Variants in DYSF observed in about 807,000 individuals in gnomAD.
The protein encoded by DYSF is dysferlin, also known as dystrophy-associated fer-1-like 1.
In DYSF, 212 loss-of-function variants were observed where a neutral mutation model predicts 274.9. The observed-to-expected ratio is 0.77, with a 90% CI of 0.69 to 0.86. The LOEUF (loss-of-function observed/expected upper bound fraction) is 0.86, where lower values mean the gene tolerates loss of function less well. Among genes scored for constraint, DYSF ranks in the 40% least tolerant of loss-of-function variants. The probability of loss-of-function intolerance (pLI) is 0.00; values close to 1 mark genes in which losing one functional copy is unlikely to be tolerated. For synonymous variants in DYSF, 1,091 were observed against 1,078.7 expected (o/e 1.01, Z -0.22); for missense variants, 2,666 against 2,783.2 (o/e 0.96, Z 0.95).
intron 3 of DYSF, among the ~76,000 whole-genome samples, chr2:71,485,424 C>T (rs962804616): frequency 3.9e-5 from 6 of 152,254 alleles, no homozygotes; most frequent in Non-Finnish European, 7.4e-5. Flanking sequence ...GGCGTGGTGG[C>T]GGGCACCTGT....
chr2:71,669,759 C>A lies in DYSF; in HGVS notation c.5784+13C>A, dbSNP rs2095086088. ...CATTGCCAAGAAGGTCAGTGTCCTT[C>A]CGATTCCCTGTGGTGCCAGCACCAG... is the stretch of plus-strand genomic sequence containing the variant. On this transcript the variant is annotated intron_variant, in intron 51 of 55. Transcript: ENST00000410020. 1.2e-6 allele frequency: 2 copies of A among 1,614,200 alleles called. No individual in the cohort carries two copies.
At chr2:71,527,744 CAT>C (rs560588324) in intron 13 of DYSF, among the ~76,000 whole-genome samples, 62 of 152,234 alleles carry the variant, frequency 4.1e-4, no homozygotes, top group African/African-American at 1.4e-3. Context: ...GCTTTATACA[CAT>C]ATGTATGTGT....
chr2:71,600,691 G>A lies in DYSF; in HGVS notation c.3757-11G>A, dbSNP rs375151143. On this transcript the variant is annotated splice_polypyrimidine_tract_variant and intron_variant, in intron 33 of 55. Coordinates refer to ENST00000410020, the MANE Select transcript of DYSF (RefSeq NM_001130987.2). The stretch of plus-strand genomic sequence containing the variant: ...GGGATGCTGATTCTTGTCTCTCTAC[G>A]CTTGGTCTAGGGTGCAGACGAGTTT... 4.0e-5 allele frequency: 64 copies of A among 1,613,894 alleles called. No homozygotes were observed. The highest frequency in any genetic ancestry group is 2.4e-4 in the South Asian group (22 of 91,088).
upstream of DYSF, among the ~76,000 whole-genome samples, chr2:71,462,671 A>T (rs1232205286): frequency 2.6e-5 from 4 of 152,218 alleles, no homozygotes; most frequent in Non-Finnish European, 5.9e-5. Flanking sequence ...GGAAACCCGA[A>T]GTGGGTAGTT....
chr2:71,640,929 A>C (rs574708917), intron 41 of DYSF, among the ~76,000 whole-genome samples: 6 of 152,158 alleles, frequency 3.9e-5, no homozygotes, highest in African/African-American at 1.4e-4. Context: ...GATCATTGAG[A>C]TCTTTTCCAC....
At chr2:71,671,658 G>A (rs2095123997) in intron 51 of DYSF, among the ~76,000 whole-genome samples, 2 of 152,264 alleles carry the variant, frequency 1.3e-5, no homozygotes, top group Non-Finnish European at 2.9e-5. Flanking sequence ...GCTGCTATGA[G>A]TGACAGTGAG....
intron 41 of DYSF, among the ~76,000 whole-genome samples, chr2:71,636,566 T>C (rs1225350670): frequency 6.6e-6 from 1 of 152,128 alleles, no homozygotes; most frequent in Non-Finnish European, 1.5e-5. Flanking sequence ...AGGAGCAGAC[T>C]GGGCAGGGAT....
At chr2:71,480,126 G>C (rs190123476) in intron 1 of DYSF, among the ~76,000 whole-genome samples, 12 of 152,136 alleles carry the variant, frequency 7.9e-5, no homozygotes, top group Non-Finnish European at 1.3e-4. Context: ...TCTGCTTTCT[G>C]TCTCTACAGA....
chr2:71,612,842 G>A, intron 39 of DYSF, 36 bp downstream of exon 39: 1 of 1,593,184 alleles, frequency 6.3e-7, no homozygotes, highest in Non-Finnish European at 8.6e-7. Context: ...GGTCAGGGAA[G>A]GGGGAGCCTC....
Position 71,665,200 on chromosome 2 carries a change from C to A in DYSF, c.5213C>A (p.Ser1738Tyr). The change falls in exon 47 of 56, where the codon TCC becomes TAC. Residue 1738 changes from serine (S) to tyrosine (Y), a missense_variant. Coordinates refer to ENST00000410020, the MANE Select transcript of DYSF (RefSeq NM_001130987.2). ...CAGTGGCGGGACCAGCTCCGCCCCT[C>A]CCAGCTCCTCCACCTCTTCTGCCAG... ...PNQWRDQLRP[S>Y]QLLHLFCQQH... is the part of the protein sequence containing the mutation. 6.2e-7 allele frequency: 1 copy of A among 1,614,010 alleles called. No homozygotes were observed. Among genetic ancestry groups the A allele is most frequent in the Non-Finnish European group, 8.5e-7 (1 of 1,180,028 alleles).
intron 3 of DYSF, among the ~76,000 whole-genome samples, chr2:71,501,105 G>A (rs1175894351): frequency 2.0e-5 from 3 of 152,112 alleles, no homozygotes; most frequent in Non-Finnish European, 4.4e-5. Flanking sequence ...TTAAGTGATG[G>A]TAAAAATCCT....
At chr2:71,661,063 T>A (rs1424490245) in intron 45 of DYSF, among the ~76,000 whole-genome samples, 2 of 142,270 alleles carry the variant, frequency 1.4e-5, no homozygotes, top group African/African-American at 5.3e-5. Context: ...CTTACAGTGA[T>A]CTGTGATCAA....
intron 29 of DYSF, among the ~76,000 whole-genome samples, chr2:71,572,443 C>T (rs1003099326): frequency 5.3e-5 from 8 of 152,230 alleles, no homozygotes; most frequent in African/African-American, 1.9e-4. Context: ...AGTTCACACA[C>T]CAACCTGGAA....
chr2:71,545,309 C>T (rs1047613220), intron 17 of DYSF, among the ~76,000 whole-genome samples: 3 of 152,228 alleles, frequency 2.0e-5, no homozygotes, highest in African/African-American at 7.2e-5. Context: ...GTACAGTAAA[C>T]TCCCAGATAC....
chr2:71,530,451 T>C (rs2088555308), intron 14 of DYSF, among the ~76,000 whole-genome samples: 1 of 152,194 alleles, frequency 6.6e-6, no homozygotes, highest in Non-Finnish European at 1.5e-5. Context: ...TCTTCTGTTC[T>C]GAGATGCCCT....
intron 24 of DYSF, 76 bp from the exon 25 acceptor site, chr2:71,567,875 C>T: frequency 2.5e-6 from 4 of 1,585,170 alleles, no homozygotes; most frequent in Non-Finnish European, 3.4e-6. Context: ...TTGGAGGACT[C>T]CTCCTCCCCA....
intron 17 of DYSF, among the ~76,000 whole-genome samples, chr2:71,548,950 C>T (rs944530285): frequency 5.3e-5 from 8 of 152,240 alleles, no homozygotes; most frequent in African/African-American, 1.9e-4. Context: ...TGTGTCTCCC[C>T]ACCCTCCCGT....
chr2:71,586,633 C>A (rs1291967506), intron 30 of DYSF, among the ~76,000 whole-genome samples: 1 of 152,130 alleles, frequency 6.6e-6, no homozygotes, highest in Non-Finnish European at 1.5e-5. Flanking sequence ...GACAGAGACC[C>A]AGAACGTGCT....
At chr2:71,581,113 A>G (rs2152832352) in intron 30 of DYSF, among the ~76,000 whole-genome samples, 1 of 152,318 alleles carries the variant, frequency 6.6e-6, no homozygotes, top group Admixed American at 6.5e-5. Context: ...GAGTTGTCCT[A>G]ATTACCAAGG....
Sources: allele counts gnomAD v4.1 joint callset (sites outside exome capture counted in the v4.1 genomes callset), GRCh38; gene constraint gnomAD v4.1.1; transcripts MANE v1.5; gene names NCBI Gene and HGNC (gene_info 2026-07-23, HGNC 2026-07-21).